The following MAP2K4 variants were observed in gnomAD, a reference collection of about 807,000 sequenced individuals.
The protein encoded by MAP2K4 is mitogen-activated protein kinase kinase 4.
Under a neutral mutation model 48.5 loss-of-function variants are expected in MAP2K4, and 4 were observed. The ratio of observed to expected loss-of-function variants is 0.08; its 90% CI spans 0.04 to 0.19. MAP2K4 has a LOEUF of 0.19. Among genes scored for constraint, MAP2K4 ranks in the 10% least tolerant of loss-of-function variants. MAP2K4 has a pLI of 1.00. For synonymous variants in MAP2K4, 166 were observed against 173.1 expected (o/e 0.96, Z 0.32); for missense variants, 258 against 493.3 (o/e 0.52, Z 4.52).
At chr17:12,085,817 G>A (rs1334431799) in intron 3 of MAP2K4, among the ~76,000 whole-genome samples, 2 of 152,118 alleles carry the variant, frequency 1.3e-5, no homozygotes, top group Admixed American at 6.6e-5. Flanking sequence ...TAATCTGCTG[G>A]TTGAGTAGGC....
chr17:12,129,373 G>C, intron 9 of MAP2K4, 86 bp downstream of exon 9: 1 of 1,494,460 alleles, frequency 6.7e-7, no homozygotes, highest in Non-Finnish European at 9.3e-7. Flanking sequence ...TACTTTACAT[G>C]GAGGAAGGGG....
chr17:12,043,614 C>A (rs1969866369), intron 1 of MAP2K4, among the ~76,000 whole-genome samples: 1 of 152,094 alleles, frequency 6.6e-6, no homozygotes. Context: ...TTATGGAACT[C>A]AGGAAATAAC....
intron 2 of MAP2K4, among the ~76,000 whole-genome samples, chr17:12,078,031 T>G (rs1171237878): frequency 6.6e-6 from 1 of 152,198 alleles, no homozygotes; most frequent in Non-Finnish European, 1.5e-5. Context: ...TATCTTCTTA[T>G]AGGCCCTGTC....
At chr17:12,077,093 A>G (rs1399124447) in intron 2 of MAP2K4, among the ~76,000 whole-genome samples, 1 of 152,212 alleles carries the variant, frequency 6.6e-6, no homozygotes, top group Non-Finnish European at 1.5e-5. Context: ...GAACGGAAAC[A>G]TCTTAGGTGC....
At chr17:12,064,414 C>G (rs905530635) in intron 2 of MAP2K4, among the ~76,000 whole-genome samples, 1 of 152,122 alleles carries the variant, frequency 6.6e-6, no homozygotes, top group Non-Finnish European at 1.5e-5. Context: ...GGTTTAAAGA[C>G]TCTGATAGAC....
intron 1 of MAP2K4, among the ~76,000 whole-genome samples, chr17:12,053,089 A>C (rs1020685289): frequency 1.3e-4 from 20 of 152,142 alleles, no homozygotes; most frequent in Non-Finnish European, 2.2e-4. Flanking sequence ...GGCAAATTCC[A>C]TTTGGTTTCA....
At chr17:12,119,693 A>G (rs1972619203) in intron 7 of MAP2K4, among the ~76,000 whole-genome samples, 1 of 152,238 alleles carries the variant, frequency 6.6e-6, no homozygotes, top group Admixed American at 6.5e-5. Context: ...ACATACACAC[A>G]TATGTTCATT....
rs550106930 is a variant in MAP2K4, at chr17:12,030,118, A to G, written c.115+9117A>G. On this transcript the variant is annotated intron_variant, in intron 1 of 10. Transcript: ENST00000353533. ...TTACCCTTTGAGTATGAGCTAGTGG[A>G]GCTATTTGGTACTTTCCCAAATCTG... Among the ~76,000 whole-genome samples, 22 of 152,104 alleles carry G rather than the reference A, an allele frequency of 1.4e-4. No homozygotes were observed. The East Asian group carries it at 4.1e-3, about 28-fold the overall frequency.
chr17:12,037,925 A>G (rs1391299087), intron 1 of MAP2K4, among the ~76,000 whole-genome samples: 2 of 152,162 alleles, frequency 1.3e-5, no homozygotes, highest in Admixed American at 6.5e-5. Flanking sequence ...TGGTGGGAAC[A>G]TGAATTTGTC....
intron 2 of MAP2K4, among the ~76,000 whole-genome samples, chr17:12,067,372 T>C (rs1032066888): frequency 2.6e-5 from 4 of 152,156 alleles, no homozygotes; most frequent in African/African-American, 7.2e-5. Flanking sequence ...TTCTCGACCT[T>C]GTTACTGTTG....
chr17:12,090,076 T>TG (rs1285507918), intron 3 of MAP2K4, among the ~76,000 whole-genome samples: 1 of 152,236 alleles, frequency 6.6e-6, no homozygotes, highest in East Asian at 1.9e-4. Context: ...CTTCTGTTTA[T>TG]GAAGTGCATA....
At chr17:12,131,968 T>C (rs1000516116) in intron 9 of MAP2K4, among the ~76,000 whole-genome samples, 2 of 152,210 alleles carry the variant, frequency 1.3e-5, no homozygotes, top group Non-Finnish European at 2.9e-5. Context: ...AGTAAACATA[T>C]TCAATTTACT....
chr17:12,092,851 C>G (rs541847226), intron 3 of MAP2K4, among the ~76,000 whole-genome samples: 1 of 152,230 alleles, frequency 6.6e-6, no homozygotes, highest in East Asian at 1.9e-4. Flanking sequence ...ACGGTGAAAC[C>G]CCGTCTCTAC....
At chr17:12,021,365 G>C (rs1208666361) in intron 1 of MAP2K4, 2 of 156,212 alleles carry the variant, frequency 1.3e-5, no homozygotes, top group South Asian at 2.0e-4. Flanking sequence ...GCGCCGGCTC[G>C]GGGCTGCGGC....
chr17:12,021,050 C>G (rs1199284981), intron 1 of MAP2K4, 49 bp downstream of exon 1: 7 of 1,110,322 alleles, frequency 6.3e-6, no homozygotes, highest in Non-Finnish European at 5.7e-6. Flanking sequence ...CGCGGCAACC[C>G]GCGTCGTCGC....
At chr17:12,119,843 G>A (rs1440223995) in intron 7 of MAP2K4, among the ~76,000 whole-genome samples, 1 of 152,218 alleles carries the variant, frequency 6.6e-6, no homozygotes, top group East Asian at 1.9e-4. Context: ...TCCTTTGTGG[G>A]AACATGGATG....
chr17:12,104,900 A>G (rs1972057573), intron 4 of MAP2K4, among the ~76,000 whole-genome samples: 1 of 152,122 alleles, frequency 6.6e-6, no homozygotes, highest in Non-Finnish European at 1.5e-5. Context: ...GAGTTTTTGT[A>G]TATATATTTG....
chr17:12,130,972 C>A (rs1973003363), intron 9 of MAP2K4, among the ~76,000 whole-genome samples: 1 of 151,978 alleles, frequency 6.6e-6, no homozygotes. Flanking sequence ...GTGATATTGA[C>A]CCTAAGGAGG....
At chr17:12,088,968 G>A (rs1468534087) in intron 3 of MAP2K4, among the ~76,000 whole-genome samples, 1 of 148,960 alleles carries the variant, frequency 6.7e-6, no homozygotes, top group Admixed American at 6.7e-5. Flanking sequence ...CTGGAGTGCA[G>A]TGGCATGATC....
Sources: gnomAD v4.1 joint callset for allele counts (sites outside exome capture counted in the v4.1 genomes callset) on GRCh38, gnomAD v4.1.1 for gene constraint, MANE v1.5 for transcripts, NCBI Gene and HGNC (gene_info 2026-07-23, HGNC 2026-07-21) for gene names.